The following ZSCAN26 variants were observed in gnomAD, a reference collection of about 807,000 sequenced individuals.
The protein encoded by ZSCAN26 is zinc finger and SCAN domain containing 26, also known as zinc finger and SCAN domain-containing protein 26.
ZSCAN26 carries 26 observed loss-of-function variants against 23.0 expected under a neutral mutation model. The ratio of observed to expected loss-of-function variants is 1.13; its 90% CI spans 0.83 to 1.57. ZSCAN26 has a LOEUF of 1.57. Ranked by LOEUF, ZSCAN26 falls within the 40% of genes most tolerant of loss-of-function variation. The pLI is 0.00. For missense variants in ZSCAN26, 528 were observed against 568.5 expected (o/e 0.93, Z 0.72); for synonymous variants, 180 against 202.5 (o/e 0.89, Z 0.94).
intron 3 of ZSCAN26, 116 bp downstream of exon 3, chr6:28,272,903 A>G (rs1437049444): frequency 2.7e-6 from 2 of 744,288 alleles, no homozygotes; most frequent in East Asian, 5.4e-5. Flanking sequence ...AGTCAGGTTT[A>G]CTGAAGCATA....
intron 3 of ZSCAN26, among the ~76,000 whole-genome samples, chr6:28,274,754 T>C (rs1340755199): frequency 6.6e-6 from 1 of 152,162 alleles, no homozygotes. Flanking sequence ...AAAAAGTGAA[T>C]GTAATGTCAG....
chr6:28,275,809 C>G (rs1175534993), intron 3 of ZSCAN26, among the ~76,000 whole-genome samples: 1 of 152,168 alleles, frequency 6.6e-6, no homozygotes, highest in Non-Finnish European at 1.5e-5. Context: ...AATGTCGTCC[C>G]TTTCTTATGG....
chr6:28,273,384 A>T (rs2113721389), intron 3 of ZSCAN26, among the ~76,000 whole-genome samples: 1 of 152,274 alleles, frequency 6.6e-6, no homozygotes, highest in South Asian at 2.1e-4. Context: ...TCTACTAAAA[A>T]TACAAAAATT....
At position 28,277,373 on chromosome 6, in the gene ZSCAN26, A is replaced by C. The variant is rs975959439; in HGVS notation, c.*277A>C. On this transcript the variant is annotated 3_prime_UTR_variant, in exon 4 of 4. Coordinates refer to ENST00000421553, the MANE Select transcript of ZSCAN26 (RefSeq NM_001023560.4). ...CATAACTGCATGATTATATACTCTA[A>C]GCAATAGAGAGCTTCATGACTGAGT... The C allele has an allele frequency of 5.3e-6, 2 of 376,584 alleles. No individual in the cohort carries two copies. Among genetic ancestry groups the C allele is most frequent in the African/African-American group, 4.1e-5 (2 of 48,970 alleles). 23.3% of individuals were successfully genotyped at this position (376,584 alleles called of 1,614,324 possible).
chr6:28,276,624 A>G lies in ZSCAN26; in HGVS notation c.968A>G (p.Asn323Ser). 1 of 1,612,294 alleles carries G rather than the reference A, an allele frequency of 6.2e-7. No homozygotes were observed. The highest frequency in any genetic ancestry group is 1.7e-4 in the Middle Eastern group (1 of 6,060). Residue 323 changes from asparagine (N) to serine (S), a missense_variant, in exon 4 of 4, where the codon AAT (asparagine) becomes AGT (serine). Transcript: ENST00000421553. ...GAGTGTGGCAAAGTCTTTAGCCAGAATGCAGGCCTTTTGGAACATCTCAGA... is the reference window on the plus strand; with the variant it reads ...GAGTGTGGCAAAGTCTTTAGCCAGAGTGCAGGCCTTTTGGAACATCTCAGA... The part of the protein sequence containing the change: ...CNECGKVFSQ[N>S]AGLLEHLRIH...
chr6:28,274,081 TTTC>T (rs1031031585), intron 3 of ZSCAN26, among the ~76,000 whole-genome samples: 6 of 146,378 alleles, frequency 4.1e-5, no homozygotes, highest in African/African-American at 7.9e-5. Flanking sequence ...CATTTTTTCA[TTTC>T]TTCTTTTTTT....
At position 28,277,345 on chromosome 6, in the gene ZSCAN26, T is replaced by C; in HGVS notation, c.*249T>C. 2.0e-6 allele frequency: 1 copy of C among 502,806 alleles called. No individual in the cohort carries two copies. Among genetic ancestry groups the C allele is most frequent in the Non-Finnish European group, 3.6e-6 (1 of 280,338 alleles). 31.1% of individuals were successfully genotyped at this position (502,806 alleles called of 1,614,324 possible). ...TCACTGCAGGACATCTCAGAGCATG[T>C]AACATAACTGCATGATTATATACTC... On this transcript the variant is annotated 3_prime_UTR_variant, in exon 4 of 4. Transcript: ENST00000421553.
Position 28,276,177 on chromosome 6 carries a change from A to G in ZSCAN26, c.539-18A>G. On this transcript the variant is annotated intron_variant, in intron 3 of 3. Transcript: ENST00000421553. ...CATCAAAAGACAAGTAATTGGTGGT[A>G]TATATTTAATATTGCAGGTGAGGAG... The G allele has an allele frequency of 6.4e-7, 1 of 1,569,328 alleles. No homozygotes were observed. The highest frequency in any genetic ancestry group is 1.8e-4 in the Middle Eastern group (1 of 5,488).
Position 28,275,633 on chromosome 6 carries a change from C to G in ZSCAN26, c.539-562C>G, listed in dbSNP as rs181367914. ...TGCTGTCCAAGGAGATTAGGAAAGG[C>G]GAAGGCATTTTTGTGAACTTCATGT... On this transcript the variant is annotated intron_variant, in intron 3 of 3. Coordinates refer to ENST00000421553, the MANE Select transcript of ZSCAN26 (RefSeq NM_001023560.4). Among the ~76,000 whole-genome samples, 5 of 152,176 alleles carry G rather than the reference C, an allele frequency of 3.3e-5. No homozygotes were observed. In the East Asian group the frequency reaches 5.8e-4, roughly 18 times the overall value.
At chr6:28,276,062 G>A (rs1422861867) in intron 3 of ZSCAN26, 133 bp from the exon 4 acceptor site, 9 of 733,950 alleles carry the variant, frequency 1.2e-5, no homozygotes, top group Admixed American at 3.0e-5. Context: ...ACTATTTTAC[G>A]CAATCACAAG....
chr6:28,275,283 A>G (rs1761886325), intron 3 of ZSCAN26, among the ~76,000 whole-genome samples: 1 of 152,230 alleles, frequency 6.6e-6, no homozygotes, highest in South Asian at 2.1e-4. Context: ...ATCCTTAGCT[A>G]CAAGAAAAAC....
chr6:28,272,131 G>T lies in ZSCAN26; in HGVS notation c.212G>T (p.Arg71Leu). 4.4e-6 allele frequency: 7 copies of T among 1,609,154 alleles called. No individual in the cohort carries two copies. Among genetic ancestry groups the T allele is most frequent in the Non-Finnish European group, 5.9e-6 (7 of 1,177,568 alleles). ...ETTGPREALS[R>L]LRELCQQWLQ... ...ACAGGACCTCGAGAAGCACTAAGTC[G>T]GCTCCGGGAGCTCTGTCAACAGTGG... is the stretch of plus-strand genomic sequence containing the variant. The change falls in exon 2 of 4, where the codon CGG (arginine) becomes CTG (leucine). Residue 71 changes from arginine to leucine, a missense_variant. By Grantham distance (102) the Arg-to-Leu change is moderately radical. Coordinates refer to ENST00000421553, the MANE Select transcript of ZSCAN26 (RefSeq NM_001023560.4).
At chr6:28,276,083 G>T in intron 3 of ZSCAN26, 112 bp from the exon 4 acceptor site, 1 of 938,698 alleles carries the variant, frequency 1.1e-6, no homozygotes. Context: ...CATCCACAAT[G>T]TTTTTACTTT....
chr6:28,272,033 G>T lies in ZSCAN26; in HGVS notation c.114G>T (p.Leu38=). 3 of 1,552,150 alleles carry T rather than the reference G, an allele frequency of 1.9e-6. No individual in the cohort carries two copies. The highest frequency in any genetic ancestry group is 2.6e-6 in the Non-Finnish European group (3 of 1,147,200). The part of the protein sequence containing the change: ...HYSTWEQGFK[L]QGNSKGLGQE... ...CTACTTGGGAACAGGGATTCAAGCT[G>T]CAAGGAAACAGTAAAGGCCTTGGAC... Residue 38 remains leucine, a synonymous_variant, in exon 2 of 4, where the codon CTG becomes CTT. Transcript: ENST00000421553.
At position 28,276,998 on chromosome 6, in the gene ZSCAN26, G is replaced by C. The variant is rs1381335277; in HGVS notation, c.1342G>C (p.Glu448Gln). ...TCAGCATGTAAGAATCCACAATGAA[G>C]AAAAACCCTATCAGTGTAGTGAATG... ...LAQHVRIHNE[E>Q]KPYQCSECGE... The change falls in exon 4 of 4, where the codon GAA becomes CAA. Residue 448 changes from glutamate to glutamine, a missense_variant. Physicochemically the swap from Glu to Gln is conservative, Grantham distance 29 (BLOSUM62 2). Coordinates refer to ENST00000421553, the MANE Select transcript of ZSCAN26 (RefSeq NM_001023560.4). The C allele has an allele frequency of 1.9e-6, 3 of 1,614,004 alleles. No individual in the cohort carries two copies. The highest frequency in any genetic ancestry group is 3.3e-5 in the Admixed American group (2 of 60,030).
Position 28,271,995 on chromosome 6 carries a change from G to A in ZSCAN26, c.76G>A (p.Glu26Lys). The A allele has an allele frequency of 2.6e-6, 4 of 1,551,678 alleles. No homozygotes were observed. The highest frequency in any genetic ancestry group is 3.5e-6 in the Non-Finnish European group (4 of 1,146,954). The change falls in exon 2 of 4, where the codon GAG (glutamate) becomes AAG (lysine). Residue 26 changes from glutamate to lysine, a missense_variant. Glu to Lys is a moderately conservative substitution (Grantham distance 56). Transcript: ENST00000421553. The part of the protein sequence containing the change: ...LKKEGLRVVR[E>K]DHYSTWEQGF... ...GAAGGAGGGGCTTCGGGTAGTGAGGGAGGATCACTACTCTACTTGGGAACA... is the reference window on the plus strand; with the variant it reads ...GAAGGAGGGGCTTCGGGTAGTGAGGAAGGATCACTACTCTACTTGGGAACA...
At chr6:28,268,210 A>T (rs1561871947) in intron 1 of ZSCAN26, among the ~76,000 whole-genome samples, 1 of 151,966 alleles carries the variant, frequency 6.6e-6, no homozygotes, top group Non-Finnish European at 1.5e-5. Context: ...TATATGTGAA[A>T]CATGTAGTAT....
At chr6:28,270,175 T>G (rs1247532548) in intron 1 of ZSCAN26, among the ~76,000 whole-genome samples, 1 of 152,170 alleles carries the variant, frequency 6.6e-6, no homozygotes, top group Non-Finnish European at 1.5e-5. Context: ...ACTTTTTTAC[T>G]TATATTAAGA....
In ZSCAN26 at chr6:28,272,178, A is replaced by C; in HGVS notation, c.259A>C (p.Lys87Gln). Residue 87 changes from lysine (K) to glutamine (Q), a missense_variant, in exon 2 of 4, where the codon AAG becomes CAG. Transcript: ENST00000421553. The part of the protein sequence containing the change: ...QQWLQPETHT[K>Q]EQILELLVLE... ...GTGGCTACAGCCCGAGACCCATACCAAGGAGCAGATCCTGGAGCTGCTGGT... is the reference window on the plus strand; with the variant it reads ...GTGGCTACAGCCCGAGACCCATACCCAGGAGCAGATCCTGGAGCTGCTGGT... 6.2e-7 allele frequency: 1 copy of C among 1,613,974 alleles called. No individual in the cohort carries two copies. Among genetic ancestry groups the C allele is most frequent in the East Asian group, 2.2e-5 (1 of 44,884 alleles).
Sources: gnomAD v4.1 joint callset for allele counts (sites outside exome capture counted in the v4.1 genomes callset) on GRCh38, gnomAD v4.1.1 for gene constraint, MANE v1.5 for transcripts, NCBI Gene and HGNC (gene_info 2026-07-23, HGNC 2026-07-21) for gene names.